SLC4A4: variants seen among roughly 807,000 people sequenced by gnomAD.
SLC4A4 encodes the protein electrogenic sodium bicarbonate cotransporter 1.
SLC4A4 carries 27 observed loss-of-function variants against 111.5 expected under a neutral mutation model. The ratio of observed to expected loss-of-function variants is 0.24; its 90% CI spans 0.18 to 0.33. The LOEUF is 0.33. SLC4A4 is among the 10% of genes least tolerant of loss of function. The pLI, the probability that SLC4A4 is intolerant of heterozygous loss-of-function variation, is 1.00. For synonymous variants in SLC4A4, 443 were observed against 463.4 expected, an observed-to-expected ratio of 0.96 and a Z score of 0.57; for missense variants, 909 against 1,315.5, an observed-to-expected ratio of 0.69 and a Z score of 4.78.
At chr4:71,196,212 C>T (rs7696851) in intron 1 of SLC4A4, among the ~76,000 whole-genome samples, 18,160 of 152,140 alleles carry the variant, frequency 0.12, 1,767 homozygotes, top group African/African-American at 0.25. Context: ...ATGTTAGCAG[C>T]GAGTAGGGCC....
At chr4:71,458,821 T>C (rs1457412607) in intron 12 of SLC4A4, among the ~76,000 whole-genome samples, 2 of 152,076 alleles carry the variant, frequency 1.3e-5, no homozygotes, top group African/African-American at 4.8e-5. Context: ...ATATTGAGAA[T>C]TGTACAAGAA....
At chr4:71,466,949 G>GAGAGAA (rs1230426804) in intron 13 of SLC4A4, among the ~76,000 whole-genome samples, 3 of 116,332 alleles carry the variant, frequency 2.6e-5, no homozygotes, top group Admixed American at 1.7e-4. Flanking sequence ...GAGAGAGAGA[G>GAGAGAA]AGAGAGAGAG....
At position 71,289,675 on chromosome 4, in the gene SLC4A4, G is replaced by A. The variant is rs569584322; in HGVS notation, c.253+34276G>A. ...GAGGAAGGATCTGAATTTTGAATTG[G>A]GTAACGAAGGAGGAGAGAAACAAAT... On this transcript the variant is annotated intron_variant, in intron 3 of 25. Coordinates refer to ENST00000264485, the MANE Select transcript of SLC4A4 (RefSeq NM_001098484.3). Among the ~76,000 whole-genome samples the A allele has an allele frequency of 2.0e-5, 3 of 152,276 alleles. No individual in the cohort carries two copies. In the South Asian group the frequency reaches 6.2e-4, roughly 32 times the overall value.
intron 7 of SLC4A4, among the ~76,000 whole-genome samples, chr4:71,414,096 CTG>C (rs1380587968): frequency 6.6e-6 from 1 of 152,202 alleles, no homozygotes; most frequent in Non-Finnish European, 1.5e-5. Context: ...TATGATGAAA[CTG>C]TGGATGCTTT....
chr4:71,389,774 A>G (rs552041364), intron 6 of SLC4A4, among the ~76,000 whole-genome samples: 10 of 152,308 alleles, frequency 6.6e-5, no homozygotes, highest in African/African-American at 2.4e-4. Context: ...TTCATTCACA[A>G]AGTATTAAGT....
intron 1 of SLC4A4, among the ~76,000 whole-genome samples, chr4:71,231,142 A>G (rs942092839): frequency 6.6e-6 from 1 of 152,230 alleles, no homozygotes; most frequent in Non-Finnish European, 1.5e-5. Context: ...TCTAAAGGCT[A>G]GCACACTCCA....
intron 8 of SLC4A4, among the ~76,000 whole-genome samples, chr4:71,446,517 A>G (rs1315157997): frequency 6.6e-6 from 1 of 152,210 alleles, no homozygotes. Flanking sequence ...ACAGGAGGTA[A>G]GAATGCCTAT....
At chr4:71,493,474 G>C (rs1730119020) in intron 15 of SLC4A4, among the ~76,000 whole-genome samples, 1 of 151,916 alleles carries the variant, frequency 6.6e-6, no homozygotes. Flanking sequence ...TTTCTTCAGT[G>C]CCTAATGTAT....
intron 8 of SLC4A4, 137 bp from the exon 9 acceptor site, chr4:71,447,509 T>A: frequency 1.4e-6 from 1 of 700,650 alleles, no homozygotes; most frequent in African/African-American, 1.8e-5. Flanking sequence ...GTACTACCAA[T>A]AATATATTAC....
chr4:71,071,839 T>C (rs1159018896), intron 1 of SLC4A4, among the ~76,000 whole-genome samples: 1 of 152,224 alleles, frequency 6.6e-6, no homozygotes, highest in Non-Finnish European at 1.5e-5. Flanking sequence ...TTTCAGATAA[T>C]GCTGCATAAA....
At chr4:71,192,782 T>C (rs1183261142) in intron 1 of SLC4A4, among the ~76,000 whole-genome samples, 3 of 152,236 alleles carry the variant, frequency 2.0e-5, no homozygotes, top group Non-Finnish European at 4.4e-5. Flanking sequence ...AACATGTCCA[T>C]ATAACCAGTG....
chr4:71,077,469 T>G (rs1424194550), intron 1 of SLC4A4, among the ~76,000 whole-genome samples: 1 of 152,196 alleles, frequency 6.6e-6, no homozygotes, highest in Admixed American at 6.5e-5. Context: ...GCCCTGAGTA[T>G]GTACTTTTAA....
At position 71,211,022 on chromosome 4, in the gene SLC4A4, G is replaced by A. The variant is rs140077705; in HGVS notation, c.-2+23621G>A. Among the ~76,000 whole-genome samples, 63 of 152,242 alleles carry A rather than the reference G, an allele frequency of 4.1e-4. 1 individual carries two copies. Among genetic ancestry groups the A allele is most frequent in the South Asian group, 1.9e-3 (9 of 4,826 alleles). The stretch of plus-strand genomic sequence containing the variant: ...AGCCAAAATATGACAAAGAAAACTC[G>A]CATTCAGAATGTTTTTCTTTGTAAT... On this transcript the variant is annotated intron_variant, in intron 1 of 25. Transcript: ENST00000264485.
intron 2 of SLC4A4, among the ~76,000 whole-genome samples, chr4:71,142,807 G>C (rs1007391570): frequency 6.3e-5 from 7 of 111,950 alleles, no homozygotes; most frequent in Admixed American, 9.8e-5. Context: ...GCTTTAATTT[G>C]GTTTGGATCC....
At chr4:71,439,470 A>AAAAAAAAAAAAAAAAG (rs1724502798) in intron 7 of SLC4A4, among the ~76,000 whole-genome samples, 1 of 136,532 alleles carries the variant, frequency 7.3e-6, no homozygotes, top group Non-Finnish European at 1.6e-5. Context: ...AAAAAAAAAA[A>AAAAAAAAAAAAAAAAG]AGAAAAGAAA....
chr4:71,287,941 TCTA>T, intron 3 of SLC4A4, among the ~76,000 whole-genome samples: 1 of 152,322 alleles, frequency 6.6e-6, no homozygotes, highest in Non-Finnish European at 1.5e-5. Flanking sequence ...CTTTATATCA[TCTA>T]CTACTGATGG....
upstream of SLC4A4, among the ~76,000 whole-genome samples, chr4:71,186,126 GAT>G (rs1399444009): frequency 1.7e-4 from 26 of 152,142 alleles, no homozygotes; most frequent in Admixed American, 1.7e-3. Context: ...CTGGATCACT[GAT>G]ATATTATTTG....
chr4:71,311,017 A>G (rs1726103081), intron 3 of SLC4A4, among the ~76,000 whole-genome samples: 1 of 152,098 alleles, frequency 6.6e-6, no homozygotes, highest in South Asian at 2.1e-4. Flanking sequence ...AAAAACAAAC[A>G]AACAACAAAA....
intron 16 of SLC4A4, among the ~76,000 whole-genome samples, chr4:71,523,682 A>AG (rs1733162366): frequency 6.6e-6 from 1 of 152,122 alleles, no homozygotes; most frequent in Non-Finnish European, 1.5e-5. Context: ...CACTAACACA[A>AG]AATGGTCTCC....
Sources: gnomAD v4.1 joint callset for allele counts (sites outside exome capture counted in the v4.1 genomes callset) on GRCh38, gnomAD v4.1.1 for gene constraint, MANE v1.5 for transcripts, NCBI Gene and HGNC (gene_info 2026-07-23, HGNC 2026-07-21) for gene names.